Variants in PCDH15 observed in about 807,000 individuals in gnomAD.
PCDH15 encodes protocadherin related 15.
A neutral mutation model predicts 178.5 loss-of-function variants in PCDH15; 129 were observed. The observed-to-expected ratio is 0.72, with a 90% CI of 0.63 to 0.84. The LOEUF is 0.84. Among genes scored for constraint, PCDH15 ranks in the 40% least tolerant of loss-of-function variants. The pLI, the probability that PCDH15 is intolerant of heterozygous loss-of-function variation, is 0.00. For missense variants in PCDH15, 2,230 were observed against 2,099.9 expected (o/e 1.06, Z -1.21); for synonymous variants, 800 against 732.0 (o/e 1.09, Z -1.50).
At chr10:55,439,983 C>T (rs148697019) in intron 2 of PCDH15, among the ~76,000 whole-genome samples, 17 of 152,030 alleles carry the variant, frequency 1.1e-4, no homozygotes, top group African/African-American at 3.4e-4. Context: ...ACAAGAGGTC[C>T]GTTGTACTGA....
At chr10:54,227,487 C>T (rs1337162718) in intron 9 of PCDH15, among the ~76,000 whole-genome samples, 1 of 152,190 alleles carries the variant, frequency 6.6e-6, no homozygotes, top group Non-Finnish European at 1.5e-5. Context: ...CCCACAGAAC[C>T]ATCTTTTCTC....
intron 23 of PCDH15, among the ~76,000 whole-genome samples, chr10:53,952,442 G>A (rs892504641): frequency 1.3e-5 from 2 of 152,182 alleles, no homozygotes; most frequent in African/African-American, 4.8e-5. Context: ...CAAGCAGGTT[G>A]TCCTGATGTC....
intron 23 of PCDH15, among the ~76,000 whole-genome samples, chr10:53,941,359 T>C (rs1025354653): frequency 6.6e-6 from 1 of 152,164 alleles, no homozygotes; most frequent in African/African-American, 2.4e-5. Flanking sequence ...TGGCAACCAC[T>C]GATCTTTGTA....
intron 1 of PCDH15, among the ~76,000 whole-genome samples, chr10:55,190,423 T>C (rs1386940415): frequency 6.6e-6 from 1 of 151,744 alleles, no homozygotes; most frequent in Non-Finnish European, 1.5e-5. Flanking sequence ...TAAGTTATGA[T>C]TAAATAAGAA....
At chr10:54,335,538 T>C (rs12572036) in intron 6 of PCDH15, among the ~76,000 whole-genome samples, 31,819 of 152,094 alleles carry the variant, frequency 0.21, 3,402 homozygotes, top group Admixed American at 0.24. Context: ...TTCCCCATAC[T>C]GTTTTTGTGG....
intron 2 of PCDH15, among the ~76,000 whole-genome samples, chr10:55,350,266 T>TATATATATATATAC (rs1844885854): frequency 1.7e-5 from 1 of 58,986 alleles, no homozygotes; most frequent in Admixed American, 1.7e-4. Context: ...TATATATATA[T>TATATATATATATAC]ATACACACAC....
chr10:55,051,420 G>C (rs574866073), intron 2 of PCDH15, among the ~76,000 whole-genome samples: 187 of 152,160 alleles, frequency 1.2e-3, no homozygotes, highest in African/African-American at 4.3e-3. Flanking sequence ...ATTTCTATTA[G>C]TTTGTTTTAA....
intron 1 of PCDH15, among the ~76,000 whole-genome samples, chr10:55,261,032 C>T (rs112122220): frequency 2.2e-4 from 33 of 151,702 alleles, no homozygotes; most frequent in African/African-American, 7.5e-4. Flanking sequence ...CCACAAACAC[C>T]AACACTAAAA....
chr10:54,622,997 T>C (rs2093435963), intron 2 of PCDH15, among the ~76,000 whole-genome samples: 1 of 151,404 alleles, frequency 6.6e-6, no homozygotes, highest in Non-Finnish European at 1.5e-5. Flanking sequence ...ACACTTCAGG[T>C]TAGTTATTTG....
upstream of PCDH15, among the ~76,000 whole-genome samples, chr10:54,804,948 T>C (rs186009110): frequency 1.3e-3 from 163 of 127,156 alleles, 10 homozygotes; most frequent in East Asian, 3.3e-3. Flanking sequence ...TATATATATA[T>C]ACAGAGTTTG....
At chr10:55,536,577 G>A (rs978670195) in intron 2 of PCDH15, among the ~76,000 whole-genome samples, 3 of 152,002 alleles carry the variant, frequency 2.0e-5, no homozygotes, top group African/African-American at 4.8e-5. Flanking sequence ...GAAGACATAC[G>A]CATACAAGCA....
At chr10:54,008,390 C>A (rs11004000) in intron 20 of PCDH15, among the ~76,000 whole-genome samples, 19,429 of 152,004 alleles carry the variant, frequency 0.13, 2,501 homozygotes, top group African/African-American at 0.32. Context: ...TTAAGTAATA[C>A]CCCCATATTG....
chr10:54,132,221 C>T (rs1485534775), intron 15 of PCDH15, among the ~76,000 whole-genome samples: 1 of 152,170 alleles, frequency 6.6e-6, no homozygotes, highest in Admixed American at 6.5e-5. Flanking sequence ...GCTGCATATT[C>T]AGTCAAAGAT....
At chr10:54,151,629 A>G (rs540964180) in intron 14 of PCDH15, among the ~76,000 whole-genome samples, 1 of 152,290 alleles carries the variant, frequency 6.6e-6, no homozygotes, top group African/African-American at 2.4e-5. Context: ...CAGAACTTAC[A>G]TAAAAAGAAA....
At chr10:54,674,455 C>T (rs2094742290) in intron 1 of PCDH15, among the ~76,000 whole-genome samples, 1 of 151,974 alleles carries the variant, frequency 6.6e-6, no homozygotes, top group African/African-American at 2.4e-5. Context: ...AATATCATCT[C>T]AAAAACAGTA....
chr10:54,584,073 A>G (rs989487501), intron 2 of PCDH15, among the ~76,000 whole-genome samples: 7 of 152,126 alleles, frequency 4.6e-5, no homozygotes, highest in African/African-American at 9.7e-5. Context: ...GAACATATCA[A>G]TCACCTCATT....
intron 2 of PCDH15, among the ~76,000 whole-genome samples, chr10:55,613,017 A>ATTTTTTTTTTTTTTT (rs34403286): frequency 1.2e-5 from 1 of 82,388 alleles, no homozygotes; most frequent in Non-Finnish European, 2.4e-5. Flanking sequence ...TACTAGCCAG[A>ATTTTTTTTTTTTTTT]TTTTTTTTTT....
chr10:54,380,185 C>G (rs1336601432), intron 3 of PCDH15, among the ~76,000 whole-genome samples: 3 of 151,938 alleles, frequency 2.0e-5, no homozygotes, highest in Admixed American at 2.0e-4. Context: ...TGTAACAAGC[C>G]AGAATAATGT....
chr10:55,573,638 CAAAAG>C (rs1842446360), intron 2 of PCDH15, among the ~76,000 whole-genome samples: 1 of 151,924 alleles, frequency 6.6e-6, no homozygotes, highest in Non-Finnish European at 1.5e-5. Flanking sequence ...AACTGTTTAT[CAAAAG>C]AAAATTCGAA....
Sources: allele counts gnomAD v4.1 joint callset (sites outside exome capture counted in the v4.1 genomes callset), GRCh38; gene constraint gnomAD v4.1.1; transcripts MANE v1.5; gene names NCBI Gene and HGNC (gene_info 2026-07-23, HGNC 2026-07-21).